STYX: variants seen among roughly 807,000 people sequenced by gnomAD.
STYX encodes serine/threonine/tyrosine-interacting protein.
A neutral mutation model predicts 42.7 loss-of-function variants in STYX; 20 were observed. The observed-to-expected ratio is 0.47, with a 90% CI of 0.33 to 0.68. The LOEUF is 0.68. Among genes scored for constraint, STYX ranks in the 30% least tolerant of loss-of-function variants. The probability of loss-of-function intolerance (pLI) is 0.02; values close to 1 mark genes in which losing one functional copy is unlikely to be tolerated. For missense variants in STYX, 226 were observed against 268.5 expected (o/e 0.84, Z 1.11); for synonymous variants, 78 against 81.9 (o/e 0.95, Z 0.26).
chr14:52,757,315 C>T lies in STYX; in HGVS notation c.304-4C>T. 1 of 1,604,348 alleles carries T rather than the reference C, an allele frequency of 6.2e-7. No individual in the cohort carries two copies. The highest frequency in any genetic ancestry group is 8.5e-7 in the Non-Finnish European group (1 of 1,173,984). On this transcript the variant is annotated splice_polypyrimidine_tract_variant and splice_region_variant and intron_variant, in intron 5 of 10. Transcript: ENST00000354586. ...ACATTAATCCACATGTCTTTTGCCTCCAGACTAAGGAATTTATTGATGGGA... is the reference window on the plus strand; with the variant it reads ...ACATTAATCCACATGTCTTTTGCCTTCAGACTAAGGAATTTATTGATGGGA...
chr14:52,750,906 T>TA, intron 4 of STYX, 126 bp downstream of exon 4: 1 of 491,708 alleles, frequency 2.0e-6, no homozygotes, highest in Non-Finnish European at 3.4e-6. Context: ...TTTTTTAAAA[T>TA]AAATTTTACT....
At chr14:52,754,269 T>C (rs1881761400) in intron 4 of STYX, among the ~76,000 whole-genome samples, 1 of 152,054 alleles carries the variant, frequency 6.6e-6, no homozygotes, top group African/African-American at 2.4e-5. Context: ...CTGGATTGCA[T>C]TGGCATGATT....
chr14:52,751,052 T>A (rs936085178), intron 4 of STYX, among the ~76,000 whole-genome samples: 1 of 152,116 alleles, frequency 6.6e-6, no homozygotes, highest in African/African-American at 2.4e-5. Flanking sequence ...TAGGTTTTAG[T>A]GTACATTATT....
intron 3 of STYX, among the ~76,000 whole-genome samples, chr14:52,748,837 G>C (rs986002802): frequency 1.3e-5 from 2 of 152,128 alleles, no homozygotes; most frequent in Non-Finnish European, 2.9e-5. Context: ...AATTTGTTGT[G>C]GAAATTGGCA....
At chr14:52,750,077 T>C (rs1052405717) in intron 3 of STYX, among the ~76,000 whole-genome samples, 1 of 152,202 alleles carries the variant, frequency 6.6e-6, no homozygotes, top group Admixed American at 6.5e-5. Flanking sequence ...ACCAGCATTT[T>C]AGATAAGGGA....
chr14:52,766,638 G>GT lies in STYX; in HGVS notation c.505-2195dup, dbSNP rs1186677040. Among the ~76,000 whole-genome samples, 9 of 152,136 alleles carry GT rather than the reference G, an allele frequency of 5.9e-5. No homozygotes were observed. In the East Asian group the frequency reaches 1.3e-3, roughly 23 times the overall value. ...GTATCTTGTTGATTGCTCTACATCA[G>GT]TTTTTTTCTGAGTCACAGTGTGCCC... On this transcript the variant is annotated intron_variant, in intron 9 of 10. Transcript: ENST00000354586.
chr14:52,733,950 C>A (rs576951202), intron 1 of STYX, among the ~76,000 whole-genome samples: 3 of 152,176 alleles, frequency 2.0e-5, no homozygotes, highest in Non-Finnish European at 1.5e-5. Context: ...CCAAATACCC[C>A]CTAGAACTTT....
In STYX at chr14:52,744,847, C is replaced by G. The variant is rs2139893735; in HGVS notation, c.58-5C>G. 6.2e-7 allele frequency: 1 copy of G among 1,613,036 alleles called. No individual in the cohort carries two copies. The highest frequency in any genetic ancestry group is 1.1e-5 in the South Asian group (1 of 90,884). ...CTACTTTTATTCTTATGTTTTCCTT[C>G]CCAGGAGTGGACCTACCCTATGAGA... On this transcript the variant is annotated splice_region_variant and splice_polypyrimidine_tract_variant and intron_variant, in intron 1 of 10. Transcript: ENST00000354586.
At chr14:52,750,864 T>C in intron 4 of STYX, 84 bp downstream of exon 4, 1 of 899,268 alleles carries the variant, frequency 1.1e-6, no homozygotes, top group South Asian at 1.8e-5. Context: ...TGTACATATC[T>C]AGTTTGTAAA....
intron 2 of STYX, among the ~76,000 whole-genome samples, chr14:52,745,958 C>G (rs1881379707): frequency 6.6e-6 from 1 of 152,104 alleles, no homozygotes; most frequent in African/African-American, 2.4e-5. Context: ...TATAAAGTTA[C>G]TGTTAGTATC....
intron 9 of STYX, among the ~76,000 whole-genome samples, chr14:52,766,353 GAGAC>G (rs1882301215): frequency 1.3e-5 from 2 of 152,150 alleles, no homozygotes; most frequent in South Asian, 4.1e-4. Context: ...TTTTTGTAGA[GAGAC>G]AGGGTTTCAC....
At chr14:52,764,184 G>T (rs910149836) in intron 9 of STYX, among the ~76,000 whole-genome samples, 11 of 152,000 alleles carry the variant, frequency 7.2e-5, no homozygotes, top group African/African-American at 2.7e-4. Flanking sequence ...GTAGAGACGG[G>T]GTTTCACCAT....
intron 3 of STYX, among the ~76,000 whole-genome samples, chr14:52,747,968 G>C (rs1881458840): frequency 6.6e-6 from 1 of 152,184 alleles, no homozygotes; most frequent in Non-Finnish European, 1.5e-5. Context: ...CTCCAGCCTG[G>C]TTGACGGAGT....
chr14:52,730,187 G>T lies in STYX; in HGVS notation c.-288G>T. On this transcript the variant is annotated 5_prime_UTR_variant, in exon 1 of 11. Coordinates refer to ENST00000354586, the MANE Select transcript of STYX (RefSeq NM_145251.4). ...AGACGGTTGTCGGGCTGGTTCCTGT[G>T]CTGGATCCTGGGCGGCCTGAGGGGT... 1 of 490,434 alleles carries T rather than the reference G, an allele frequency of 2.0e-6. No individual in the cohort carries two copies. Among genetic ancestry groups the T allele is most frequent in the Non-Finnish European group, 3.6e-6 (1 of 274,736 alleles). The allele number at this position is 490,434 out of a possible 1,614,324, so 30.4% of individuals were successfully genotyped here.
At chr14:52,756,484 T>G in intron 4 of STYX, 67 bp from the exon 5 acceptor site, 3 of 914,356 alleles carry the variant, frequency 3.3e-6, no homozygotes, top group Non-Finnish European at 5.1e-6. Flanking sequence ...AAATAATGAG[T>G]TATTTTTTTA....
chr14:52,758,181 C>T (rs559183647), intron 8 of STYX, among the ~76,000 whole-genome samples: 39 of 152,286 alleles, frequency 2.6e-4, no homozygotes, highest in African/African-American at 9.1e-4. Flanking sequence ...AGTATAAAAA[C>T]TCGTGACCAC....
intron 1 of STYX, among the ~76,000 whole-genome samples, chr14:52,733,173 A>G (rs376607022): frequency 1.9e-4 from 29 of 152,300 alleles, no homozygotes; most frequent in African/African-American, 7.0e-4. Flanking sequence ...AATACACTTC[A>G]ATTCTTCCCT....
rs1035237436 is a variant in STYX, at chr14:52,771,479, T to A, written c.*373T>A. ...TAAACAAAATGCAAGTATGGGGGGA[T>A]TGTTTATAAAGTTTGGGTAATTTAT... On this transcript the variant is annotated 3_prime_UTR_variant, in exon 11 of 11. Transcript: ENST00000354586. The A allele has an allele frequency of 6.3e-6, 1 of 158,422 alleles. No homozygotes were observed. The highest frequency in any genetic ancestry group is 2.0e-4 in the South Asian group (1 of 4,950). The allele number at this position is 158,422 out of a possible 1,614,324, so 9.8% of individuals were successfully genotyped here.
At chr14:52,743,043 G>A (rs779559841) in intron 1 of STYX, among the ~76,000 whole-genome samples, 3 of 151,634 alleles carry the variant, frequency 2.0e-5, no homozygotes, top group Non-Finnish European at 1.5e-5. Flanking sequence ...TGATCCACCC[G>A]CCTCAGCCTC....
Sources: gnomAD v4.1 joint callset for allele counts (sites outside exome capture counted in the v4.1 genomes callset) on GRCh38, gnomAD v4.1.1 for gene constraint, MANE v1.5 for transcripts, NCBI Gene and HGNC (gene_info 2026-07-23, HGNC 2026-07-21) for gene names.